Variants in TRMT2B observed in about 807,000 individuals in gnomAD.
TRMT2B encodes tRNA methyltransferase 2B.
TRMT2B carries 34 observed loss-of-function variants against 39.7 expected under a neutral mutation model. The ratio of observed to expected loss-of-function variants is 0.86; its 90% CI spans 0.65 to 1.14. The LOEUF (loss-of-function observed/expected upper bound fraction) is 1.14, where lower values mean the gene tolerates loss of function less well. TRMT2B is among the 50% of genes most tolerant of loss of function. The pLI is 0.00. For missense variants in TRMT2B, 318 were observed against 377.2 expected, an observed-to-expected ratio of 0.84 and a Z score of 1.30; for synonymous variants, 132 against 137.3, an observed-to-expected ratio of 0.96 and a Z score of 0.27.
chrX:101,000,455 T>G, the TRMT2B span, among the ~76,000 whole-genome samples: 2 of 111,017 alleles, frequency 1.8e-5, no homozygotes, highest in Non-Finnish European at 3.8e-5. Flanking sequence ...GGCTAGGAAT[T>G]ATAATCTTTC....
the TRMT2B span, among the ~76,000 whole-genome samples, chrX:100,999,403 T>A: frequency 8.9e-6 from 1 of 112,631 alleles, no homozygotes; most frequent in East Asian, 2.8e-4. Flanking sequence ...TTGAAATATA[T>A]TCCTTAGGAA....
At chrX:101,038,098 T>C in intron 4 of TRMT2B, 47 bp from the exon 5 acceptor site, 1 of 1,174,943 alleles carries the variant, frequency 8.5e-7, no homozygotes, top group Non-Finnish European at 1.2e-6. Context: ...CTGGGCACGG[T>C]GGCTCACGCC....
At chrX:101,022,556 G>C (rs1405628699) in intron 8 of TRMT2B, among the ~76,000 whole-genome samples, 4 of 109,150 alleles carry the variant, frequency 3.7e-5, no homozygotes, top group Non-Finnish European at 7.6e-5. Context: ...GGGAGGCGGA[G>C]GTTGCAGTGA....
chrX:101,034,397 C>T (rs1324611024), intron 7 of TRMT2B, among the ~76,000 whole-genome samples: 2 of 109,353 alleles, frequency 1.8e-5, no homozygotes, highest in Admixed American at 2.0e-4. Context: ...CCGCCTTAAC[C>T]TCCCAAAGTG....
At chrX:101,022,477 C>T (rs1031579096) in intron 8 of TRMT2B, among the ~76,000 whole-genome samples, 13 of 110,819 alleles carry the variant, frequency 1.2e-4, no homozygotes, top group Non-Finnish European at 2.1e-4. Context: ...AAAAATTAGC[C>T]GGGCGTGCTG....
At chrX:100,982,582 A>G in the TRMT2B span, among the ~76,000 whole-genome samples, 3 of 110,082 alleles carry the variant, frequency 2.7e-5, no homozygotes, top group Non-Finnish European at 3.8e-5. Flanking sequence ...GGAGCTTTCA[A>G]ACCTACTGAC....
the TRMT2B span, among the ~76,000 whole-genome samples, chrX:101,003,389 C>A: frequency 9.4e-6 from 1 of 106,552 alleles, no homozygotes; most frequent in Non-Finnish European, 1.9e-5. Context: ...GCTCTTGTTG[C>A]CCAGGCTGGA....
At chrX:101,007,996 A>G (rs888508936), downstream of TRMT2B, among the ~76,000 whole-genome samples, 3 of 111,761 alleles carry the variant, frequency 2.7e-5, no homozygotes, top group African/African-American at 9.7e-5. Flanking sequence ...ATAGTACAGG[A>G]GAAGGACTCA....
intron 2 of TRMT2B, among the ~76,000 whole-genome samples, chrX:101,045,263 TAACC>T (rs1294275571): frequency 2.8e-5 from 3 of 108,669 alleles, no homozygotes; most frequent in Non-Finnish European, 5.7e-5. Context: ...AAGACCAGCC[TAACC>T]AACATGGAGA....
At chrX:101,016,642 G>GT (rs397827366) in intron 13 of TRMT2B, among the ~76,000 whole-genome samples, 17,652 of 57,431 alleles carry the variant, frequency 0.31, 2,745 homozygotes, top group African/African-American at 0.46. Flanking sequence ...AATTTTCGTG[G>GT]TTTTTTTTTT....
Position 101,048,151 on chromosome X carries a change from C to CACAG in TRMT2B, c.-24+3099_-24+3100insCTGT, listed in dbSNP as rs1556364309. ...ACACACACACACACACACACACACA[C>CACAG]AGAGAAAATTATTGCTAAATTAACA... On this transcript the variant is annotated intron_variant, in intron 2 of 13. Transcript: ENST00000372936. Among the ~76,000 whole-genome samples the CACAG allele has an allele frequency of 8.0e-3, 830 of 103,242 alleles. 2 individuals carry two copies. Among genetic ancestry groups the CACAG allele is most frequent in the Non-Finnish European group, 0.013 (683 of 50,631 alleles). 89.7% of individuals were successfully genotyped at this position (103,242 alleles called of 115,157 possible). A position where few individuals can be genotyped will look rare whatever the true frequency, so the allele number is the denominator to read the frequency against.
chrX:101,051,752 A>G lies in TRMT2B; in HGVS notation c.-506-19T>C. On this transcript the variant is annotated intron_variant, in intron 1 of 13. Coordinates refer to ENST00000372936, the MANE Select transcript of TRMT2B (RefSeq NM_024917.6). ...GAGTTTTCTGTAAAGCAAGGGTTAA[A>G]TCAGGTTTTCCGGGCTATTTATCCA... is the stretch of plus-strand genomic sequence containing the variant. 2 of 723,326 alleles carry G rather than the reference A, an allele frequency of 2.8e-6. No homozygotes were observed. The highest frequency in any genetic ancestry group is 3.3e-6 in the Non-Finnish European group (2 of 610,624). The allele number at this position is 723,326 out of a possible 1,213,427, so 59.6% of individuals were successfully genotyped here. A position where few individuals can be genotyped will look rare whatever the true frequency, so the allele number is the denominator to read the frequency against.
the TRMT2B span, among the ~76,000 whole-genome samples, chrX:100,991,027 G>A: frequency 8.9e-6 from 1 of 111,958 alleles, no homozygotes; most frequent in Non-Finnish European, 1.9e-5. Flanking sequence ...TATCCCAAGG[G>A]TGGCAGTGGT....
chrX:101,041,127 C>G (rs938888331), intron 4 of TRMT2B, among the ~76,000 whole-genome samples, 190 bp downstream of exon 4: 2 of 111,501 alleles, frequency 1.8e-5, no homozygotes, highest in African/African-American at 6.5e-5. Context: ...TTGCTTGAAC[C>G]TGGGAGGTGG....
intron 13 of TRMT2B, among the ~76,000 whole-genome samples, chrX:101,016,799 GC>G (rs754395863): frequency 2.7e-5 from 3 of 109,516 alleles, no homozygotes; most frequent in Non-Finnish European, 5.7e-5. Context: ...CAGGTGATCT[GC>G]CCACCACCTC....
chrX:100,987,203 T>A, the TRMT2B span, among the ~76,000 whole-genome samples: 1 of 112,190 alleles, frequency 8.9e-6, no homozygotes, highest in African/African-American at 3.2e-5. Context: ...TTAAAGGACC[T>A]CAGATTTTAT....
At chrX:100,974,224 G>T in the TRMT2B span, 2 of 1,093,669 alleles carry the variant, frequency 1.8e-6, no homozygotes, top group Non-Finnish European at 2.5e-6. Context: ...ATTAGATACT[G>T]GCGTGGGTCT....
the TRMT2B span, among the ~76,000 whole-genome samples, chrX:100,993,368 G>T: frequency 3.6e-5 from 4 of 112,084 alleles, no homozygotes; most frequent in East Asian, 1.1e-3. Flanking sequence ...GGAGAATTCT[G>T]CTGACAATCA....
At chrX:100,978,504 G>A in the TRMT2B span, among the ~76,000 whole-genome samples, 1 of 111,290 alleles carries the variant, frequency 9.0e-6, no homozygotes, top group East Asian at 2.8e-4. Flanking sequence ...TGTTTTGTCT[G>A]AAGTATAGCT....
Sources: gnomAD v4.1 joint callset for allele counts (sites outside exome capture counted in the v4.1 genomes callset) on GRCh38, gnomAD v4.1.1 for gene constraint, MANE v1.5 for transcripts, NCBI Gene and HGNC (gene_info 2026-07-23, HGNC 2026-07-21) for gene names.